Variants in RBBP8NL observed in about 807,000 individuals in gnomAD.
RBBP8NL encodes RBBP8 N-terminal like.
In RBBP8NL, 59 loss-of-function variants were observed where a neutral mutation model predicts 62.2. That is an observed-to-expected ratio of 0.95 (90% CI 0.77 to 1.18). RBBP8NL has a LOEUF of 1.18. RBBP8NL is among the 50% of genes most tolerant of loss of function. RBBP8NL has a pLI of 0.00. For synonymous variants in RBBP8NL, 412 were observed against 394.1 expected (o/e 1.05, Z -0.54); for missense variants, 896 against 899.5 (o/e 1.00, Z 0.05).
At chr20:62,414,675 G>C (rs1988521984) in intron 9 of RBBP8NL, 119 bp from the exon 10 acceptor site, 18 of 1,209,576 alleles carry the variant, frequency 1.5e-5, no homozygotes, top group Non-Finnish European at 1.8e-5. Flanking sequence ...GAGGTCCAGA[G>C]AGGTGCAGCA....
chr20:62,412,511 C>G, intron 13 of RBBP8NL, 113 bp downstream of exon 13: 1 of 1,405,488 alleles, frequency 7.1e-7, no homozygotes. Flanking sequence ...TTGGCTCCAT[C>G]ATTCTGAGGC....
In RBBP8NL at chr20:62,414,290, G is replaced by T; in HGVS notation, c.1061C>A (p.Ala354Glu). The part of the protein sequence containing the change: ...AGMQDLRLEG[A>E]LHLLLAQQQL... ...CTGCTGGGCCAGGAGCAGGTGCAGT[G>T]CCCCCTCCAGGCGAAGGTCCTGCAT... The change falls in exon 10 of 14, where the codon GCA becomes GAA. Residue 354 changes from alanine (A) to glutamate (E), a missense_variant. Transcript: ENST00000252998. 6.3e-7 allele frequency: 1 copy of T among 1,575,632 alleles called. No homozygotes were observed. Among genetic ancestry groups the T allele is most frequent in the East Asian group, 2.3e-5 (1 of 43,006 alleles).
At chr20:62,424,032 G>A (rs1988758536) in intron 1 of RBBP8NL, among the ~76,000 whole-genome samples, 1 of 150,960 alleles carries the variant, frequency 6.6e-6, no homozygotes, top group African/African-American at 2.4e-5. Flanking sequence ...GGTGGGGGCT[G>A]CAGTGGGGCT....
Position 62,419,691 on chromosome 20 carries a change from T to G in RBBP8NL, c.-44A>C, listed in dbSNP as rs1390116132. On this transcript the variant is annotated 5_prime_UTR_variant, in exon 2 of 14. Transcript: ENST00000252998. ...CCCGGGCCCCTCTGCGCTGGGGTTG[T>G]GGAGACGCCTGCAGCCTCTACTGCC... 6.3e-7 allele frequency: 1 copy of G among 1,598,676 alleles called. No individual in the cohort carries two copies. Among genetic ancestry groups the G allele is most frequent in the Admixed American group, 1.7e-5 (1 of 59,888 alleles).
intron 1 of RBBP8NL, among the ~76,000 whole-genome samples, chr20:62,421,768 C>T (rs188234399): frequency 8.5e-4 from 101 of 118,492 alleles, no homozygotes; most frequent in African/African-American, 2.7e-3. Context: ...AGCTAGTGTG[C>T]GGGTGTGTGC....
intron 1 of RBBP8NL, among the ~76,000 whole-genome samples, chr20:62,423,129 G>C (rs1451210989): frequency 6.6e-6 from 1 of 152,136 alleles, no homozygotes; most frequent in East Asian, 1.9e-4. Context: ...AGGTCACGTG[G>C]CCAGCATCAG....
intron 2 of RBBP8NL, among the ~76,000 whole-genome samples, chr20:62,418,678 G>T (rs566836495): frequency 6.6e-6 from 1 of 152,332 alleles, no homozygotes; most frequent in South Asian, 2.1e-4. Context: ...TTCCCCTGGG[G>T]TCTCTGCCTC....
rs1358931624 is a variant in RBBP8NL, at chr20:62,412,812, T to G, written c.1746+18A>C. 1 of 1,613,250 alleles carries G rather than the reference T, an allele frequency of 6.2e-7. No homozygotes were observed. ...TGCCTCCTGGCCCTGCCCTGCTGAG[T>G]GTGTGGCCTGGACCCACCTCGCTGC... On this transcript the variant is annotated intron_variant, in intron 12 of 13. Coordinates refer to ENST00000252998, the MANE Select transcript of RBBP8NL (RefSeq NM_080833.3).
At chr20:62,422,038 C>G (rs1246746720) in intron 1 of RBBP8NL, among the ~76,000 whole-genome samples, 1 of 152,216 alleles carries the variant, frequency 6.6e-6, no homozygotes, top group African/African-American at 2.4e-5. Context: ...CCTGCCTCCC[C>G]CCATCTCTTC....
chr20:62,421,501 T>C (rs1988699873), intron 1 of RBBP8NL, among the ~76,000 whole-genome samples: 1 of 119,764 alleles, frequency 8.3e-6, no homozygotes, highest in Non-Finnish European at 1.5e-5. Flanking sequence ...GTGTGTGCTG[T>C]GTGTGTGTGA....
chr20:62,411,089 G>GTCTC, intron 13 of RBBP8NL, 93 bp from the exon 14 acceptor site: 1 of 794,076 alleles, frequency 1.3e-6, no homozygotes, highest in Admixed American at 2.2e-5. Context: ...TCTCCTCTGG[G>GTCTC]CACGGGGAGC....
intron 11 of RBBP8NL, 84 bp from the exon 12 acceptor site, chr20:62,412,984 A>AACT (rs1988470409): frequency 6.8e-7 from 1 of 1,471,696 alleles, no homozygotes; most frequent in Non-Finnish European, 9.4e-7. Flanking sequence ...GGGTGGAGCC[A>AACT]ACTCTGCAGA....
In RBBP8NL at chr20:62,415,609, G is replaced by T; in HGVS notation, c.596C>A (p.Ala199Asp). 6.2e-7 allele frequency: 1 copy of T among 1,612,910 alleles called. No homozygotes were observed. The highest frequency in any genetic ancestry group is 1.1e-5 in the South Asian group (1 of 91,080). Residue 199 changes from alanine (A) to aspartate (D), a missense_variant, in exon 8 of 14, where the codon GCC becomes GAC. Physicochemically the swap from Ala to Asp is moderately radical, Grantham distance 126. Coordinates refer to ENST00000252998, the MANE Select transcript of RBBP8NL (RefSeq NM_080833.3). ...TSPVAKISPG[A>D]TLPESRAPDM... Reference sequence around the variant, plus strand: ...TGGGGCTCGCGACTCAGGCAGGGTGGCCCCTGGGGAGATTTTGGCCACTGG... The same window carrying T: ...TGGGGCTCGCGACTCAGGCAGGGTGTCCCCTGGGGAGATTTTGGCCACTGG...
At chr20:62,413,693 G>C (rs527340319) in intron 10 of RBBP8NL, 128 bp downstream of exon 10, 1 of 1,414,114 alleles carries the variant, frequency 7.1e-7, no homozygotes, top group Non-Finnish European at 9.4e-7. Flanking sequence ...AGGCAGCCTC[G>C]CTTTCTCCCT....
In RBBP8NL at chr20:62,412,814, T is replaced by C. The variant is rs556678653; in HGVS notation, c.1746+16A>G. ...CCTCCTGGCCCTGCCCTGCTGAGTGTGTGGCCTGGACCCACCTCGCTGCCT... is the reference window on the plus strand; with the variant it reads ...CCTCCTGGCCCTGCCCTGCTGAGTGCGTGGCCTGGACCCACCTCGCTGCCT... On this transcript the variant is annotated intron_variant, in intron 12 of 13. Transcript: ENST00000252998. 1,493 of 1,613,368 alleles carry C rather than the reference T, an allele frequency of 9.3e-4. 33 individuals carry two copies. The South Asian group carries it at 0.015, about 17-fold the overall frequency.
Position 62,417,308 on chromosome 20 carries a change from C to T in RBBP8NL, c.116G>A (p.Arg39Lys), listed in dbSNP as rs1018001306. ...LNSERCRDAQ[R>K]IEELFSKNHQ... Reference sequence around the variant, plus strand: ...GTTCTTGGAGAAGAGCTCCTCGATCCTCTGGGCGTCCCTGTGGTGGGAAAC... The same window carrying T: ...GTTCTTGGAGAAGAGCTCCTCGATCTTCTGGGCGTCCCTGTGGTGGGAAAC... The change falls in exon 4 of 14, where the codon AGG becomes AAG. Residue 39 changes from arginine (R) to lysine (K), a missense_variant. Arg to Lys is a conservative substitution (Grantham distance 26). Transcript: ENST00000252998. 26 of 1,597,014 alleles carry T rather than the reference C, an allele frequency of 1.6e-5. No homozygotes were observed. The highest frequency in any genetic ancestry group is 5.2e-5 in the Admixed American group (3 of 57,822).
chr20:62,417,293 A>G lies in RBBP8NL; in HGVS notation c.131T>C (p.Phe44Ser). Reference protein sequence around the residue: ...CRDAQRIEELFSKNHQLREQQ... With the variant: ...CRDAQRIEELSSKNHQLREQQ... ...TTCCCGGAGCTGGTGGTTCTTGGAG[A>G]AGAGCTCCTCGATCCTCTGGGCGTC... The change falls in exon 4 of 14, where the codon TTC (phenylalanine) becomes TCC (serine). Residue 44 changes from phenylalanine (F) to serine (S), a missense_variant. By Grantham distance (155) the Phe-to-Ser change is radical. Transcript: ENST00000252998. 6.2e-7 allele frequency: 1 copy of G among 1,603,754 alleles called. No homozygotes were observed. Among genetic ancestry groups the G allele is most frequent in the Non-Finnish European group, 8.5e-7 (1 of 1,175,356 alleles).
At chr20:62,416,648 G>T in intron 5 of RBBP8NL, 112 bp downstream of exon 5, 1 of 713,528 alleles carries the variant, frequency 1.4e-6, no homozygotes, top group Non-Finnish European at 2.4e-6. Context: ...CCCCAGTGGT[G>T]TGGGGCCGAT....
At chr20:62,414,692 A>G (rs984436230) in intron 9 of RBBP8NL, 136 bp from the exon 10 acceptor site, 20 of 1,006,910 alleles carry the variant, frequency 2.0e-5, no homozygotes, top group African/African-American at 3.3e-5. Flanking sequence ...AGCAAGCTGC[A>G]TGGGTCCCAT....
Sources: gnomAD v4.1 joint callset for allele counts (sites outside exome capture counted in the v4.1 genomes callset) on GRCh38, gnomAD v4.1.1 for gene constraint, MANE v1.5 for transcripts, NCBI Gene and HGNC (gene_info 2026-07-23, HGNC 2026-07-21) for gene names.